Variants in PLCH2 observed in about 807,000 individuals in gnomAD.
PLCH2 encodes the protein 1-phosphatidylinositol 4,5-bisphosphate phosphodiesterase eta-2.
In PLCH2, 98 loss-of-function variants were observed where a neutral mutation model predicts 134.7. That is an observed-to-expected ratio of 0.73 (90% CI 0.62 to 0.86). The LOEUF (loss-of-function observed/expected upper bound fraction) is 0.86, where lower values mean the gene tolerates loss of function less well. Ranked by LOEUF, PLCH2 falls within the 40% of genes least tolerant of loss-of-function variation. PLCH2 has a pLI of 0.00. For missense variants in PLCH2, 1,994 were observed against 1,986.6 expected, an observed-to-expected ratio of 1.00 and a Z score of -0.07; for synonymous variants, 974 against 827.5, an observed-to-expected ratio of 1.18 and a Z score of -3.04.
chr1:2,491,135 G>A, intron 10 of PLCH2, 57 bp from the exon 11 acceptor site: 1 of 1,537,520 alleles, frequency 6.5e-7, no homozygotes, highest in Non-Finnish European at 8.8e-7. Flanking sequence ...GGTTGTCATT[G>A]CCACTACTCG....
At chr1:2,473,155 G>A (rs1346713644), upstream of PLCH2, among the ~76,000 whole-genome samples, 2 of 152,156 alleles carry the variant, frequency 1.3e-5, no homozygotes, top group Admixed American at 6.5e-5. Context: ...GCTGCCACCC[G>A]CCCGGTTCCA....
intron 2 of PLCH2, among the ~76,000 whole-genome samples, chr1:2,438,870 G>A (rs551449494): frequency 3.3e-5 from 5 of 152,316 alleles, no homozygotes; most frequent in Admixed American, 6.5e-5. Context: ...GGGGCGCAGC[G>A]TGTGCAGGGG....
chr1:2,495,518 A>C lies in PLCH2; in HGVS notation c.1783A>C (p.Ser595Arg). The change falls in exon 13 of 22, where the codon AGC becomes CGC. Residue 595 changes from serine to arginine, a missense_variant. By Grantham distance (110) the Ser-to-Arg change is moderately radical (BLOSUM62 -1). This residue lies in a region of PLCH2 where 1,094 missense variants were observed against 1,234.3 expected (regional missense o/e 0.89). Transcript: ENST00000378486. ...KKGSKLKKAA[S>R]VEEGDEGQDS... is the part of the protein sequence containing the mutation. ...GGGCAGCAAGCTGAAGAAGGCGGCC[A>C]GCGTGGAGGAGGGAGATGAGGGTCA... 6.4e-7 allele frequency: 1 copy of C among 1,552,032 alleles called. No homozygotes were observed. Among genetic ancestry groups the C allele is most frequent in the East Asian group, 2.4e-5 (1 of 40,986 alleles).
intron 21 of PLCH2, chr1:2,503,100 G>C: frequency 1.4e-6 from 1 of 693,116 alleles, no homozygotes; most frequent in South Asian, 1.5e-5. Context: ...CAGCCCTCCT[G>C]TCTGAGCTTG....
At chr1:2,457,469 G>C (rs1160180062) in intron 2 of PLCH2, among the ~76,000 whole-genome samples, 1 of 152,182 alleles carries the variant, frequency 6.6e-6, no homozygotes, top group Non-Finnish European at 1.5e-5. Flanking sequence ...TTCCCCAGCC[G>C]CCTGCTCCCC....
rs1642570401 is a variant in PLCH2 at position 2,491,355 on chromosome 1, C to T, written c.1659+20C>T. ...CGCAAGGTAGAGGCCAAAAAGGTGA[C>T]ACCCCTGATGCCGACAGGCCCCCCC... On this transcript the variant is annotated intron_variant, in intron 11 of 21. Coordinates refer to ENST00000378486, the MANE Select transcript of PLCH2 (RefSeq NM_014638.4). 6.2e-7 allele frequency: 1 copy of T among 1,608,784 alleles called. No individual in the cohort carries two copies. The highest frequency in any genetic ancestry group is 1.7e-5 in the Admixed American group (1 of 59,540).
rs1015464610 is a variant in PLCH2 at position 2,454,416 on chromosome 1, G to C, written c.115+23787G>C. Among the ~76,000 whole-genome samples, 4 of 152,330 alleles carry C rather than the reference G, an allele frequency of 2.6e-5. No individual in the cohort carries two copies. The East Asian group carries it at 7.7e-4, about 29-fold the overall frequency. On this transcript the variant is annotated intron_variant, in intron 2 of 3. Transcript: ENST00000609981. ...TTGATGGTGTGGTATGGCAGGAGGC[G>C]GCACCACGTGACATGCTTGATGTGA...
Position 2,497,404 on chromosome 1 carries a change from C to T in PLCH2, c.2117-98C>T, listed in dbSNP as rs373230379. 3.7e-4 allele frequency: 291 copies of T among 788,358 alleles called. 4 individuals carry two copies. In the East Asian group the frequency reaches 4.6e-3, roughly 13 times the overall value. The allele number at this position is 788,358 out of a possible 1,614,324, so 48.8% of individuals were successfully genotyped here. A position where few individuals can be genotyped will look rare whatever the true frequency, so the allele number is the denominator to read the frequency against. On this transcript the variant is annotated intron_variant, in intron 15 of 21. Coordinates refer to ENST00000378486, the MANE Select transcript of PLCH2 (RefSeq NM_014638.4). Reference sequence around the variant, plus strand: ...CGAGGGGCAGACGGCAGATACGCGGCAGCTGTGCAGGGGAGGCTAGCGTGT... The same window carrying T: ...CGAGGGGCAGACGGCAGATACGCGGTAGCTGTGCAGGGGAGGCTAGCGTGT...
chr1:2,447,103 C>G (rs979570149), intron 2 of PLCH2, among the ~76,000 whole-genome samples: 9 of 152,196 alleles, frequency 5.9e-5, no homozygotes, highest in Non-Finnish European at 1.2e-4. Flanking sequence ...TCTCCACCCC[C>G]GCAGATGGGA....
At chr1:2,438,837 C>T (rs1639555671) in intron 2 of PLCH2, among the ~76,000 whole-genome samples, 1 of 152,234 alleles carries the variant, frequency 6.6e-6, no homozygotes, top group Non-Finnish European at 1.5e-5. Context: ...GGGCACCTTC[C>T]CTGCAGATCT....
Position 2,459,519 on chromosome 1 carries a change from T to TG in PLCH2, c.116-18957_116-18956insG, listed in dbSNP as rs1424552220. On this transcript the variant is annotated intron_variant, in intron 2 of 3. Transcript: ENST00000609981. ...GGTCCTCCTTCCTGGTGGTCCTCCT[T>TG]CCTGGTGGTCCTCCTTCCTGGTGGT... Among the ~76,000 whole-genome samples, 55 of 127,436 alleles carry TG rather than the reference T, an allele frequency of 4.3e-4. 9 individuals are homozygous for TG. The highest frequency in any genetic ancestry group is 9.3e-4 in the South Asian group (3 of 3,234). 83.6% of individuals were successfully genotyped at this position (127,436 alleles called of 152,430 possible).
In PLCH2 at chr1:2,491,335, G is replaced by T; in HGVS notation, c.1659G>T (p.Lys553Asn). The T allele has an allele frequency of 6.2e-7, 1 of 1,611,404 alleles. No individual in the cohort carries two copies. The highest frequency in any genetic ancestry group is 8.5e-7 in the Non-Finnish European group (1 of 1,179,248). The change falls in exon 11 of 22, where the codon AAG (lysine) becomes AAT (asparagine). Residue 553 changes from lysine to asparagine, a missense_variant and splice_region_variant. This residue lies in a region of PLCH2 where 1,094 missense variants were observed against 1,234.3 expected (regional missense o/e 0.89). Transcript: ENST00000378486. ...TLSPSGKLGR[K>N]SKAEEDVESG... ...CCCCATCTGGAAAGCTCGGACGCAA[G>T]GTAGAGGCCAAAAAGGTGACACCCC...
At chr1:2,463,275 C>T (rs1009181831), upstream of PLCH2, among the ~76,000 whole-genome samples, 1 of 152,152 alleles carries the variant, frequency 6.6e-6, no homozygotes, top group African/African-American at 2.4e-5. Flanking sequence ...CCTCAGTTTC[C>T]CTATCTGAAA....
intron 4 of PLCH2, among the ~76,000 whole-genome samples, chr1:2,481,572 C>T (rs1017473971): frequency 6.6e-6 from 1 of 152,200 alleles, no homozygotes; most frequent in Non-Finnish European, 1.5e-5. Flanking sequence ...GAATCCAGCA[C>T]GAGTGTGCGT....
At chr1:2,438,508 G>T (rs559770603) in intron 2 of PLCH2, among the ~76,000 whole-genome samples, 1 of 152,298 alleles carries the variant, frequency 6.6e-6, no homozygotes, top group East Asian at 1.9e-4. Flanking sequence ...CTGCAAAGGT[G>T]TGCACACTCG....
intron 15 of PLCH2, among the ~76,000 whole-genome samples, chr1:2,497,257 C>G (rs908889726): frequency 1.3e-5 from 2 of 152,254 alleles, no homozygotes; most frequent in African/African-American, 4.8e-5. Context: ...GCCTGTCCAC[C>G]TACTCCCAGG....
chr1:2,456,329 GC>G (rs1640490951), intron 2 of PLCH2, among the ~76,000 whole-genome samples: 1 of 152,214 alleles, frequency 6.6e-6, no homozygotes, highest in African/African-American at 2.4e-5. Flanking sequence ...TGGCCGCTGA[GC>G]CCCGCAGGGT....
rs558261253 is a variant in PLCH2, at chr1:2,494,925, G to C, written c.1729G>C (p.Val577Leu). The change falls in exon 12 of 22, where the codon GTG (valine) becomes CTG (leucine). Residue 577 changes from valine to leucine, a missense_variant. This residue lies in a region of PLCH2 where 1,094 missense variants were observed against 1,234.3 expected (regional missense o/e 0.89). Transcript: ENST00000378486. ...GASRRNGRLV[V>L]GSFSRRKKKG... ...CAGCAGACGCAATGGCCGCCTCGTC[G>C]TGGGAAGCTTCTCCAGGCGCAAGGT... 1 of 1,599,328 alleles carries C rather than the reference G, an allele frequency of 6.3e-7. No individual in the cohort carries two copies. Among genetic ancestry groups the C allele is most frequent in the Non-Finnish European group, 8.5e-7 (1 of 1,174,890 alleles).
rs1166122551 is a variant in PLCH2, at chr1:2,486,122, C to T, written c.817-785C>T. 4.6e-5 allele frequency among the ~76,000 whole-genome samples: 7 copies of T among 152,152 alleles called. 1 individual carries two copies. The highest frequency in any genetic ancestry group is 8.8e-5 in the Non-Finnish European group (6 of 68,026). ...TGGCTGCAGATAGTAGGTCCTCTGTCCCAGTAAAGGCAGAGGTGGGAATGG... is the reference window on the plus strand; with the variant it reads ...TGGCTGCAGATAGTAGGTCCTCTGTTCCAGTAAAGGCAGAGGTGGGAATGG... On this transcript the variant is annotated intron_variant, in intron 5 of 21. Transcript: ENST00000378486.
Sources: gnomAD v4.1 joint callset for allele counts (sites outside exome capture counted in the v4.1 genomes callset) on GRCh38, gnomAD v4.1.1 for gene constraint, gnomAD v4.1.1 regional missense constraint, MANE v1.5 for transcripts, NCBI Gene and HGNC (gene_info 2026-07-23, HGNC 2026-07-21) for gene names.